BTF3L4: variants seen among roughly 807,000 people sequenced by gnomAD.
BTF3L4 encodes basic transcription factor 3 like 4.
Under a neutral mutation model 16.8 loss-of-function variants are expected in BTF3L4, and 6 were observed. That is an observed-to-expected ratio of 0.36 (90% confidence interval 0.20 to 0.71). The LOEUF (loss-of-function observed/expected upper bound fraction) is 0.71, where lower values mean the gene tolerates loss of function less well. Ranked by LOEUF, BTF3L4 falls within the 30% of genes least tolerant of loss-of-function variation. The pLI is 0.58. For synonymous variants in BTF3L4, 39 were observed against 59.8 expected (o/e 0.65, Z 1.60); for missense variants, 92 against 186.9 (o/e 0.49, Z 2.96).
chr1:52,078,229 C>CTTTTT lies in BTF3L4; in HGVS notation c.169-5101_169-5097dup, dbSNP rs376320702. 1.1e-4 allele frequency among the ~76,000 whole-genome samples: 15 copies of CTTTTT among 132,144 alleles called. 1 individual carries two copies. Among genetic ancestry groups the CTTTTT allele is most frequent in the South Asian group, 7.2e-4 (3 of 4,154 alleles). The allele number at this position is 132,144 out of a possible 152,430, so 86.7% of individuals were successfully genotyped here. ...CACCATGCCACCTGGATTGCTTTTG[C>CTTTTT]TTTTTTTTTTTTTTGGTAGTGATGG... On this transcript the variant is annotated intron_variant, in intron 3 of 5. Coordinates refer to ENST00000313334, the MANE Select transcript of BTF3L4 (RefSeq NM_152265.5).
At chr1:52,066,732 G>A (rs1480050178) in intron 3 of BTF3L4, among the ~76,000 whole-genome samples, 1 of 151,688 alleles carries the variant, frequency 6.6e-6, no homozygotes, top group Non-Finnish European at 1.5e-5. Context: ...TGTAGTCCCA[G>A]CTACTCGGGA....
At chr1:52,063,386 T>A (rs1017302788) in intron 2 of BTF3L4, among the ~76,000 whole-genome samples, 4 of 152,180 alleles carry the variant, frequency 2.6e-5, no homozygotes, top group African/African-American at 7.2e-5. Flanking sequence ...GCTTCACAAA[T>A]GAGTGCCTAT....
At position 52,089,515 on chromosome 1, in the gene BTF3L4, T is replaced by A. The variant is rs1385381869; in HGVS notation, c.*2757T>A. ...TGGCATAAATATGAATTAAATCTTT[T>A]TTTATATTTAAATAACTAGTTAAAT... is the stretch of plus-strand genomic sequence containing the variant. On this transcript the variant is annotated 3_prime_UTR_variant, in exon 6 of 6. Transcript: ENST00000313334. The A allele has an allele frequency of 1.3e-5, 2 of 152,228 alleles. No homozygotes were observed. Among genetic ancestry groups the A allele is most frequent in the Non-Finnish European group, 2.9e-5 (2 of 68,036 alleles). The allele number at this position is 152,228 out of a possible 1,614,324, so 9.4% of individuals were successfully genotyped here. A position where few individuals can be genotyped will look rare whatever the true frequency, so the allele number is the denominator to read the frequency against.
At chr1:52,079,381 CAAAA>C (rs11441352) in intron 3 of BTF3L4, among the ~76,000 whole-genome samples, 3 of 126,338 alleles carry the variant, frequency 2.4e-5, no homozygotes, top group African/African-American at 9.1e-5. Context: ...GACTCCATCT[CAAAA>C]AAAAAAAAAA....
chr1:52,073,833 A>T (rs946982955), intron 3 of BTF3L4, among the ~76,000 whole-genome samples: 9 of 151,754 alleles, frequency 5.9e-5, no homozygotes. Context: ...CCCCGTCTCT[A>T]CTAAAAATAC....
At chr1:52,080,477 ACT>A (rs1424843742) in intron 3 of BTF3L4, among the ~76,000 whole-genome samples, 4 of 136,278 alleles carry the variant, frequency 2.9e-5, no homozygotes, top group South Asian at 4.7e-4. Context: ...AATATTTGAG[ACT>A]CTGCACCCAG....
chr1:52,079,767 C>T (rs939913498), intron 3 of BTF3L4, among the ~76,000 whole-genome samples: 2 of 151,854 alleles, frequency 1.3e-5, no homozygotes, highest in Non-Finnish European at 2.9e-5. Context: ...ATCTATATAC[C>T]TGTGTTGTTT....
chr1:52,084,822 ATGT>A, intron 4 of BTF3L4, among the ~76,000 whole-genome samples: 1 of 151,586 alleles, frequency 6.6e-6, no homozygotes, highest in East Asian at 1.9e-4. Context: ...AAAGAAAATA[ATGT>A]TGTCAGACAT....
At chr1:52,062,973 G>A (rs1686558602) in intron 2 of BTF3L4, among the ~76,000 whole-genome samples, 1 of 152,204 alleles carries the variant, frequency 6.6e-6, no homozygotes, top group Admixed American at 6.5e-5. Context: ...TGCTGCCGCT[G>A]ATCTGACTGG....
intron 3 of BTF3L4, among the ~76,000 whole-genome samples, chr1:52,075,423 G>A (rs1686905618): frequency 6.6e-6 from 1 of 150,632 alleles, no homozygotes; most frequent in South Asian, 2.1e-4. Flanking sequence ...TCAGGAGGCT[G>A]AGGCAAGAGA....
intron 3 of BTF3L4, among the ~76,000 whole-genome samples, chr1:52,080,526 T>TG (rs1643908159): frequency 9.2e-6 from 1 of 108,610 alleles, no homozygotes; most frequent in African/African-American, 3.8e-5. Flanking sequence ...TGGGTTTTTT[T>TG]TTTTTTTTTT....
chr1:52,058,086 G>A (rs1401585739), intron 1 of BTF3L4, among the ~76,000 whole-genome samples: 1 of 152,028 alleles, frequency 6.6e-6, no homozygotes, highest in Non-Finnish European at 1.5e-5. Context: ...CACTCTCATG[G>A]CCACATTCCT....
intron 3 of BTF3L4, among the ~76,000 whole-genome samples, chr1:52,071,713 C>T (rs909378084): frequency 1.3e-5 from 2 of 152,200 alleles, no homozygotes; most frequent in Non-Finnish European, 2.9e-5. Flanking sequence ...CTTGTTTTTT[C>T]TGAACCAGTT....
intron 1 of BTF3L4, among the ~76,000 whole-genome samples, chr1:52,059,326 C>A (rs1401180201): frequency 1.3e-5 from 2 of 152,086 alleles, no homozygotes; most frequent in African/African-American, 4.8e-5. Context: ...AGCTAGACAG[C>A]CTTTTGTTGA....
chr1:52,072,056 T>G (rs1686804242), intron 3 of BTF3L4, among the ~76,000 whole-genome samples: 3 of 150,584 alleles, frequency 2.0e-5, no homozygotes, highest in African/African-American at 7.3e-5. Context: ...TTTTTGTTTG[T>G]TTTTTGTTGT....
At position 52,088,361 on chromosome 1, in the gene BTF3L4, TAAACA is replaced by T. The variant is rs2124452582; in HGVS notation, c.*1607_*1611del. ...GTTATGTTTTATATAATATATGGAC[TAAACA>T]AAATAAAATAACAGTGCAAAAGAGG... On this transcript the variant is annotated 3_prime_UTR_variant, in exon 6 of 6. Coordinates refer to ENST00000313334, the MANE Select transcript of BTF3L4 (RefSeq NM_152265.5). 6.5e-6 allele frequency: 1 copy of T among 152,784 alleles called. No individual in the cohort carries two copies. The highest frequency in any genetic ancestry group is 1.9e-4 in the East Asian group (1 of 5,194). 9.5% of individuals were successfully genotyped at this position (152,784 alleles called of 1,614,324 possible).
intron 2 of BTF3L4, among the ~76,000 whole-genome samples, chr1:52,062,271 G>T (rs796938447): frequency 7.1e-6 from 1 of 140,240 alleles, no homozygotes; most frequent in Non-Finnish European, 1.5e-5. Context: ...GCGTGATCTC[G>T]GCTCACTGCA....
At chr1:52,065,220 C>T (rs576566465) in intron 3 of BTF3L4, 4 of 181,032 alleles carry the variant, frequency 2.2e-5, no homozygotes, top group South Asian at 2.7e-4. Flanking sequence ...AAATATGTCT[C>T]TAATAATGTA....
intron 3 of BTF3L4, among the ~76,000 whole-genome samples, chr1:52,080,064 G>A (rs981083686): frequency 6.6e-6 from 1 of 151,490 alleles, no homozygotes; most frequent in Non-Finnish European, 1.5e-5. Context: ...TAGAGATGGG[G>A]TTTCACTATG....
Sources: gnomAD v4.1 joint callset for allele counts (sites outside exome capture counted in the v4.1 genomes callset) on GRCh38, gnomAD v4.1.1 for gene constraint, MANE v1.5 for transcripts, NCBI Gene and HGNC (gene_info 2026-07-23, HGNC 2026-07-21) for gene names.